Variants in PLPP1 observed in about 807,000 individuals in gnomAD.
The protein encoded by PLPP1 is lipid phosphate phosphohydrolase 1a.
In PLPP1, 24 loss-of-function variants were observed where a neutral mutation model predicts 31.2. The observed-to-expected ratio is 0.77, with a 90% CI of 0.56 to 1.08. The LOEUF (loss-of-function observed/expected upper bound fraction) is 1.08, where lower values mean the gene tolerates loss of function less well. Ranked by LOEUF, PLPP1 falls within the 50% of genes least tolerant of loss-of-function variation. The pLI is 0.00. For synonymous variants in PLPP1, 146 were observed against 126.3 expected (o/e 1.16, Z -1.05); for missense variants, 319 against 342.7 (o/e 0.93, Z 0.55).
intron 3 of PLPP1, among the ~76,000 whole-genome samples, chr5:55,455,099 A>T (rs1751975723): frequency 6.6e-6 from 1 of 152,256 alleles, no homozygotes; most frequent in East Asian, 1.9e-4. Context: ...GAAGAATACA[A>T]GGCTTCCATA....
chr5:55,504,768 CTTGATATTTCCACTT>C (rs964275809), intron 1 of PLPP1, among the ~76,000 whole-genome samples: 15 of 151,364 alleles, frequency 9.9e-5, no homozygotes, highest in East Asian at 3.9e-4. Context: ...GGAATTAACA[CTTGATATTTCCACTT>C]TTGATATTTC....
chr5:55,522,362 G>A (rs562962684), intron 1 of PLPP1, among the ~76,000 whole-genome samples: 1 of 152,288 alleles, frequency 6.6e-6, no homozygotes, highest in Non-Finnish European at 1.5e-5. Context: ...TAGTTATTGG[G>A]AGTCTGAGAT....
Position 55,425,004 on chromosome 5 carries a change from T to A in PLPP1, c.*202A>T. On this transcript the variant is annotated 3_prime_UTR_variant, in exon 6 of 6. Transcript: ENST00000307259. ...CACTGTTTTGGTGGAAGGCTTGGAG[T>A]TTTTTTAATGAGTTTAGAGCTATTA... 1 of 754,146 alleles carries A rather than the reference T, an allele frequency of 1.3e-6. No homozygotes were observed. Among genetic ancestry groups the A allele is most frequent in the African/African-American group, 1.8e-5 (1 of 57,020 alleles). The allele number at this position is 754,146 out of a possible 1,614,324, so 46.7% of individuals were successfully genotyped here.
At chr5:55,518,647 C>A (rs1046347298) in intron 1 of PLPP1, among the ~76,000 whole-genome samples, 4 of 152,124 alleles carry the variant, frequency 2.6e-5, no homozygotes, top group African/African-American at 9.7e-5. Flanking sequence ...CAGTAACACT[C>A]ACCCCATTCT....
intron 4 of PLPP1, among the ~76,000 whole-genome samples, chr5:55,426,386 C>T (rs776916376): frequency 2.0e-5 from 3 of 152,134 alleles, no homozygotes; most frequent in Admixed American, 6.5e-5. Context: ...AAGACCAGTG[C>T]TGCCATTGGT....
intron 3 of PLPP1, among the ~76,000 whole-genome samples, chr5:55,446,466 T>C (rs1055376902): frequency 6.6e-6 from 1 of 152,184 alleles, no homozygotes; most frequent in Admixed American, 6.5e-5. Context: ...TATCTCCTCT[T>C]ATTTTAGTCT....
intron 3 of PLPP1, among the ~76,000 whole-genome samples, chr5:55,446,452 T>A (rs937905345): frequency 1.3e-5 from 2 of 152,158 alleles, no homozygotes; most frequent in Non-Finnish European, 2.9e-5. Context: ...CACATCATAT[T>A]TTCTATCTCC....
At chr5:55,517,639 T>C (rs1197127571) in intron 1 of PLPP1, among the ~76,000 whole-genome samples, 2 of 152,230 alleles carry the variant, frequency 1.3e-5, no homozygotes, top group African/African-American at 4.8e-5. Context: ...GCAAATTCCC[T>C]ACTTCAGGCA....
At position 55,424,963 on chromosome 5, in the gene PLPP1, A is replaced by T. The variant is rs936005334; in HGVS notation, c.*243T>A. The T allele has an allele frequency of 3.1e-6, 2 of 643,750 alleles. No individual in the cohort carries two copies. Among genetic ancestry groups the T allele is most frequent in the Admixed American group, 3.0e-5 (1 of 32,936 alleles). The allele number at this position is 643,750 out of a possible 1,614,324, so 39.9% of individuals were successfully genotyped here. On this transcript the variant is annotated 3_prime_UTR_variant, in exon 6 of 6. Transcript: ENST00000307259. ...TAAGCATTACATTTTTTTAATAAAAATGTATACAGGTGGGGCACTGTTTTG... is the reference window on the plus strand; with the variant it reads ...TAAGCATTACATTTTTTTAATAAAATTGTATACAGGTGGGGCACTGTTTTG...
At chr5:55,437,576 A>G (rs1258918747) in intron 4 of PLPP1, among the ~76,000 whole-genome samples, 1 of 152,126 alleles carries the variant, frequency 6.6e-6, no homozygotes, top group Non-Finnish European at 1.5e-5. Flanking sequence ...AGCAGGCTCA[A>G]TGCAAAGAAA....
intron 3 of PLPP1, among the ~76,000 whole-genome samples, chr5:55,467,011 T>C (rs1046098618): frequency 6.6e-6 from 1 of 152,194 alleles, no homozygotes; most frequent in African/African-American, 2.4e-5. Context: ...ATTTAAAAAG[T>C]TGGATCTTCT....
At chr5:55,462,374 C>T (rs1442838700) in intron 3 of PLPP1, among the ~76,000 whole-genome samples, 3 of 152,102 alleles carry the variant, frequency 2.0e-5, no homozygotes, top group African/African-American at 7.2e-5. Flanking sequence ...AAAGTGCCAA[C>T]ATAATTCAAT....
intron 1 of PLPP1, among the ~76,000 whole-genome samples, chr5:55,495,538 C>T (rs1243987302): frequency 6.6e-6 from 1 of 152,034 alleles, no homozygotes; most frequent in Non-Finnish European, 1.5e-5. Context: ...AATGCTAAGA[C>T]ATCAAGGAGC....
chr5:55,472,753 AAGAGGAAGAAGAAGAG>A (rs1304772546), intron 2 of PLPP1, among the ~76,000 whole-genome samples: 2 of 5,108 alleles, frequency 3.9e-4, no homozygotes, highest in South Asian at 0.017. Context: ...GAAGAAGAGG[AAGAGGAAGAAGAAGAG>A]GAAGAGGAAG....
chr5:55,522,920 G>A (rs765696312), intron 1 of PLPP1, among the ~76,000 whole-genome samples: 5 of 151,982 alleles, frequency 3.3e-5, no homozygotes, highest in Non-Finnish European at 7.4e-5. Context: ...GGGTTTCAGC[G>A]TGTTAACCAG....
chr5:55,438,413 C>T (rs1751544645), intron 4 of PLPP1, among the ~76,000 whole-genome samples: 2 of 152,078 alleles, frequency 1.3e-5, no homozygotes, highest in Non-Finnish European at 2.9e-5. Context: ...GTTTTAAGAG[C>T]CATTTTTAAC....
chr5:55,475,892 G>GT (rs1752538748), intron 1 of PLPP1, among the ~76,000 whole-genome samples: 1 of 151,864 alleles, frequency 6.6e-6, no homozygotes, highest in Non-Finnish European at 1.5e-5. Flanking sequence ...AGCTATCAGA[G>GT]TATCTAAATA....
intron 3 of PLPP1, among the ~76,000 whole-genome samples, chr5:55,443,192 A>T (rs184521119): frequency 0.086 from 2,197 of 25,446 alleles, 128 homozygotes; most frequent in Middle Eastern, 0.27. Flanking sequence ...AAAAAAAAAA[A>T]ATATATATAT....
Position 55,534,580 on chromosome 5 carries a change from A to G in PLPP1, c.50T>C (p.Val17Ala). The G allele has an allele frequency of 6.4e-7, 1 of 1,553,560 alleles. No individual in the cohort carries two copies. Among genetic ancestry groups the G allele is most frequent in the Non-Finnish European group, 8.7e-7 (1 of 1,151,802 alleles). ...LPYVALDVLCVLLAGLPFAIL... is the reference protein window; with the variant it reads ...LPYVALDVLCALLAGLPFAIL... ...CGGCGGCGCGTACGTACCCAGCAAC[A>G]CGCAGAGCACATCGAGGGCCACGTA... Residue 17 changes from valine (V) to alanine (A), a missense_variant, in exon 1 of 6, where the codon GTG becomes GCG. Coordinates refer to ENST00000307259, the MANE Select transcript of PLPP1 (RefSeq NM_003711.4).
Sources: gnomAD v4.1 joint callset for allele counts (sites outside exome capture counted in the v4.1 genomes callset) on GRCh38, gnomAD v4.1.1 for gene constraint, MANE v1.5 for transcripts, NCBI Gene and HGNC (gene_info 2026-07-23, HGNC 2026-07-21) for gene names.